Variants in DMD observed in about 807,000 individuals in gnomAD.
DMD encodes mutant dystrophin.
DMD carries 63 observed loss-of-function variants against 330.1 expected under a neutral mutation model. The ratio of observed to expected loss-of-function variants is 0.19; its 90% CI spans 0.16 to 0.24. The LOEUF (loss-of-function observed/expected upper bound fraction) is 0.24. DMD is among the 10% of genes least tolerant of loss of function. The pLI is 1.00. For synonymous variants in DMD, 1,223 were observed against 959.8 expected (o/e 1.27, Z -5.07); for missense variants, 3,344 against 2,684.1 (o/e 1.25, Z -5.43).
At chrX:31,907,294 T>C (rs903118113) in intron 47 of DMD, among the ~76,000 whole-genome samples, 2 of 111,748 alleles carry the variant, frequency 1.8e-5, no homozygotes, top group Non-Finnish European at 3.8e-5. Flanking sequence ...CTCCCTGTTA[T>C]CCCTAAAAGA....
chrX:31,891,042 A>G (rs1010269362), intron 47 of DMD, among the ~76,000 whole-genome samples: 2 of 112,117 alleles, frequency 1.8e-5, no homozygotes, highest in African/African-American at 6.5e-5. Context: ...ACTCAATGAA[A>G]CATGGCTAAC....
At chrX:31,458,959 T>C (rs2066362277) in intron 59 of DMD, among the ~76,000 whole-genome samples, 1 of 111,864 alleles carries the variant, frequency 8.9e-6, no homozygotes, top group Non-Finnish European at 1.9e-5. Context: ...TTTATGCTCA[T>C]TTGTTTAGCC....
At position 32,721,617 on chromosome X, in the gene DMD, A is replaced by G. The variant is rs141284043; in HGVS notation, c.650-22324T>C. Among the ~76,000 whole-genome samples the G allele has an allele frequency of 9.6e-3, 1,069 of 110,841 alleles. 12 individuals are homozygous for G. Among genetic ancestry groups the G allele is most frequent in the African/African-American group, 0.034 (1,030 of 30,599 alleles). ...TTTGGATATTAAACCCTTATCAGAT[A>G]TATGTTTTGCAAATATCTACTCATA... is the stretch of plus-strand genomic sequence containing the variant. On this transcript the variant is annotated intron_variant, in intron 7 of 78. Coordinates refer to ENST00000357033, the MANE Select transcript of DMD (RefSeq NM_004006.3).
chrX:31,676,081 G>T (rs2082061469), intron 53 of DMD, among the ~76,000 whole-genome samples: 1 of 112,111 alleles, frequency 8.9e-6, no homozygotes, highest in African/African-American at 3.2e-5. Context: ...TCACTGAGGT[G>T]CTGCAAAGGA....
chrX:31,943,920 AG>A (rs2095045741), intron 45 of DMD, among the ~76,000 whole-genome samples: 1 of 98,919 alleles, frequency 1.0e-5, no homozygotes. Flanking sequence ...AGAGAGAGAG[AG>A]AGAGAGAAAA....
At chrX:31,241,078 T>C (rs747769714) in intron 63 of DMD, among the ~76,000 whole-genome samples, 1 of 51,106 alleles carries the variant, frequency 2.0e-5, no homozygotes, top group Admixed American at 3.0e-4. Context: ...CAGTAAAAGT[T>C]AGGAACCTTT....
At chrX:31,388,324 G>T (rs1450005376) in intron 60 of DMD, among the ~76,000 whole-genome samples, 1 of 110,765 alleles carries the variant, frequency 9.0e-6, no homozygotes, top group East Asian at 2.8e-4. Flanking sequence ...TTCTTTACAA[G>T]AATGTAAGCT....
chrX:32,409,180 A>G (rs982209978), intron 30 of DMD, among the ~76,000 whole-genome samples: 12 of 111,726 alleles, frequency 1.1e-4, no homozygotes, highest in African/African-American at 3.9e-4. Context: ...CTGGAGCAGA[A>G]GAATGTTTTA....
intron 1 of DMD, among the ~76,000 whole-genome samples, chrX:33,222,170 G>A (rs1348620497): frequency 2.7e-5 from 3 of 111,722 alleles, no homozygotes; most frequent in East Asian, 2.8e-4. Context: ...TACAATTTCA[G>A]CACATAAAAT....
intron 37 of DMD, among the ~76,000 whole-genome samples, chrX:32,358,613 G>A: frequency 8.9e-6 from 1 of 111,733 alleles, no homozygotes; most frequent in Middle Eastern, 4.7e-3. Flanking sequence ...TGTATTTTAA[G>A]GGGCGTATGT....
At chrX:32,949,345 GATA>G (rs1569545097) in intron 2 of DMD, among the ~76,000 whole-genome samples, 1,544 of 38,552 alleles carry the variant, frequency 0.04, 48 homozygotes, top group Admixed American at 0.14. Flanking sequence ...TAGGTAGGTA[GATA>G]GATAGATAGA....
At chrX:31,890,093 A>C (rs200936762) in intron 47 of DMD, among the ~76,000 whole-genome samples, 3 of 110,234 alleles carry the variant, frequency 2.7e-5, no homozygotes, top group East Asian at 2.8e-4. Context: ...AAAAAAAAAA[A>C]CAGTCTCCTT....
At chrX:32,896,489 C>T (rs750115059) in intron 2 of DMD, among the ~76,000 whole-genome samples, 1 of 111,507 alleles carries the variant, frequency 9.0e-6, no homozygotes, top group Non-Finnish European at 1.9e-5. Flanking sequence ...GCCACGTTGC[C>T]TTGAGGGCTA....
intron 2 of DMD, among the ~76,000 whole-genome samples, chrX:32,971,976 G>C (rs940222678): frequency 2.7e-5 from 3 of 111,242 alleles, no homozygotes; most frequent in Non-Finnish European, 5.7e-5. Context: ...GAGTAGATAA[G>C]GTAGCAGATG....
At chrX:32,562,443 G>A (rs777589055) in intron 16 of DMD, among the ~76,000 whole-genome samples, 2 of 112,541 alleles carry the variant, frequency 1.8e-5, no homozygotes, top group Non-Finnish European at 3.8e-5. Flanking sequence ...CGCAAGCAGT[G>A]TTCTTTATAT....
intron 3 of DMD, among the ~76,000 whole-genome samples, chrX:32,847,222 G>T: frequency 9.0e-6 from 1 of 111,351 alleles, no homozygotes; most frequent in Non-Finnish European, 1.9e-5. Flanking sequence ...ATTTTCCTTT[G>T]TATCATATTC....
intron 1 of DMD, among the ~76,000 whole-genome samples, chrX:33,192,329 T>G: frequency 8.9e-6 from 1 of 112,052 alleles, no homozygotes; most frequent in Non-Finnish European, 1.9e-5. Context: ...ACTCTCCCAA[T>G]GAATAAGATG....
At chrX:33,275,571 G>A (rs2053221176) in intron 1 of DMD, among the ~76,000 whole-genome samples, 1 of 111,696 alleles carries the variant, frequency 9.0e-6, no homozygotes, top group Admixed American at 9.5e-5. Context: ...CAACACCTGA[G>A]GTACGTGTAA....
At chrX:31,552,483 T>A (rs1384417309) in intron 55 of DMD, among the ~76,000 whole-genome samples, 1 of 111,580 alleles carries the variant, frequency 9.0e-6, no homozygotes, top group African/African-American at 3.3e-5. Context: ...CAGAGCTGCT[T>A]CTTACCAGGC....
Sources: gnomAD v4.1 joint callset for allele counts (sites outside exome capture counted in the v4.1 genomes callset) on GRCh38, gnomAD v4.1.1 for gene constraint, MANE v1.5 for transcripts, NCBI Gene and HGNC (gene_info 2026-07-23, HGNC 2026-07-21) for gene names.